CUL5: variants seen among roughly 807,000 people sequenced by gnomAD.
The protein encoded by CUL5 is cullin 5.
Under a neutral mutation model 108.8 loss-of-function variants are expected in CUL5, and 26 were observed. That is an observed-to-expected ratio of 0.24 (90% CI 0.18 to 0.33). CUL5 has a LOEUF of 0.33. CUL5 is among the 10% of genes least tolerant of loss of function. The probability of loss-of-function intolerance (pLI) is 1.00; values close to 1 mark genes in which losing one functional copy is unlikely to be tolerated. For missense variants in CUL5, 524 were observed against 909.2 expected (o/e 0.58, Z 5.45); for synonymous variants, 334 against 298.0 (o/e 1.12, Z -1.25).
chr11:108,081,440 G>A (rs1294385006), intron 11 of CUL5, among the ~76,000 whole-genome samples: 1 of 151,544 alleles, frequency 6.6e-6, no homozygotes, highest in East Asian at 2.0e-4. Context: ...TCATTGAACA[G>A]TCTTTTCTCC....
intron 8 of CUL5, among the ~76,000 whole-genome samples, chr11:108,070,422 G>C (rs772269107): frequency 6.6e-6 from 1 of 152,074 alleles, no homozygotes; most frequent in African/African-American, 2.4e-5. Flanking sequence ...CTGTGTATGT[G>C]TATGGTGAAT....
intron 3 of CUL5, among the ~76,000 whole-genome samples, chr11:108,048,305 G>T (rs1041024193): frequency 2.0e-5 from 3 of 151,776 alleles, no homozygotes; most frequent in Non-Finnish European, 4.4e-5. Flanking sequence ...GTTTAACCTA[G>T]ATTAACACAA....
At chr11:108,100,921 C>T (rs1456048848) in intron 18 of CUL5, among the ~76,000 whole-genome samples, 2 of 151,702 alleles carry the variant, frequency 1.3e-5, no homozygotes, top group Non-Finnish European at 2.9e-5. Context: ...CCCAGCTACC[C>T]AGGAGGCTGA....
intron 12 of CUL5, among the ~76,000 whole-genome samples, chr11:108,088,954 A>T (rs963226874): frequency 7.2e-5 from 11 of 152,184 alleles, no homozygotes; most frequent in Non-Finnish European, 1.6e-4. Flanking sequence ...TTGGAATGAT[A>T]GTTGACAGAT....
chr11:108,050,430 G>T lies in CUL5; in HGVS notation c.411+364G>T, dbSNP rs182427823. On this transcript the variant is annotated intron_variant, in intron 4 of 18. Coordinates refer to ENST00000393094, the MANE Select transcript of CUL5 (RefSeq NM_003478.6). ...CGCCTAGGCTGGAGTGTGCAGTGGC[G>T]CAGTCTGCTCACTGCAACCTCCGCC... is the stretch of plus-strand genomic sequence containing the variant. Among the ~76,000 whole-genome samples the T allele has an allele frequency of 3.6e-4, 55 of 151,004 alleles. 1 individual carries two copies. The highest frequency in any genetic ancestry group is 8.3e-4 in the African/African-American group (34 of 41,090).
rs397746807 is a variant in CUL5 at position 108,016,806 on chromosome 11, A to AG, written c.24+7434_24+7435insG. On this transcript the variant is annotated intron_variant, in intron 1 of 18. Coordinates refer to ENST00000393094, the MANE Select transcript of CUL5 (RefSeq NM_003478.6). ...TTTGTACAAAAACAAACAAAAAAAA[A>AG]CAAACAAAAAGCAGGATACAGCTCA... Among the ~76,000 whole-genome samples, 128 of 152,198 alleles carry AG rather than the reference A, an allele frequency of 8.4e-4. 1 individual carries two copies. Among genetic ancestry groups the AG allele is most frequent in the Non-Finnish European group, 4.3e-4 (29 of 67,996 alleles).
intron 13 of CUL5, among the ~76,000 whole-genome samples, chr11:108,092,733 G>A (rs1864389777): frequency 6.6e-6 from 1 of 152,122 alleles, no homozygotes; most frequent in Admixed American, 6.5e-5. Context: ...TGATGAAAAT[G>A]TTCTAAAATT....
At chr11:108,093,578 T>A (rs1029874705) in intron 13 of CUL5, among the ~76,000 whole-genome samples, 1 of 152,246 alleles carries the variant, frequency 6.6e-6, no homozygotes, top group African/African-American at 2.4e-5. Flanking sequence ...GTTTGATTAT[T>A]CTTTTTTGTA....
Position 108,093,543 on chromosome 11 carries a change from CTT to C in CUL5, c.1444-845_1444-844del, listed in dbSNP as rs1435316465. ...ATTATCACTTTTCATTTCCTGTTTA[CTT>C]TTATATCTTTGCCAATTATCTTGTT... On this transcript the variant is annotated intron_variant, in intron 13 of 18. Coordinates refer to ENST00000393094, the MANE Select transcript of CUL5 (RefSeq NM_003478.6). Among the ~76,000 whole-genome samples, 4 of 152,102 alleles carry C rather than the reference CTT, an allele frequency of 2.6e-5. No homozygotes were observed. The East Asian group carries it at 5.8e-4, about 22-fold the overall frequency.
At chr11:108,064,738 T>C (rs1006956778) in intron 7 of CUL5, among the ~76,000 whole-genome samples, 5 of 151,880 alleles carry the variant, frequency 3.3e-5, no homozygotes, top group African/African-American at 1.2e-4. Context: ...AAAACAAAAA[T>C]TTGGTTTGCT....
At chr11:108,097,597 G>T in intron 16 of CUL5, 39 bp from the exon 17 acceptor site, 1 of 1,174,614 alleles carries the variant, frequency 8.5e-7, no homozygotes. Flanking sequence ...ATTCCATACT[G>T]TTTATAGATG....
chr11:108,062,517 AAATATT>A (rs2135159059), intron 7 of CUL5, among the ~76,000 whole-genome samples: 1 of 148,692 alleles, frequency 6.7e-6, no homozygotes, highest in South Asian at 2.1e-4. Context: ...TAATAATTGT[AAATATT>A]AAATATAATT....
At chr11:108,025,807 C>T (rs1214421190) in intron 1 of CUL5, among the ~76,000 whole-genome samples, 2 of 152,190 alleles carry the variant, frequency 1.3e-5, no homozygotes, top group Admixed American at 6.5e-5. Flanking sequence ...GTCACCTCAG[C>T]CTTTTCAAAC....
At chr11:108,053,154 T>C (rs1057312896) in intron 5 of CUL5, among the ~76,000 whole-genome samples, 38 of 152,342 alleles carry the variant, frequency 2.5e-4, no homozygotes, top group African/African-American at 8.7e-4. Context: ...AAGGAGAGCA[T>C]GTAGGAGTAC....
chr11:108,035,298 C>A (rs118096972), intron 2 of CUL5, among the ~76,000 whole-genome samples: 2,559 of 152,254 alleles, frequency 0.017, 49 homozygotes, highest in Non-Finnish European at 0.021. Context: ...ATACATAAGA[C>A]CAATCAGCAG....
intron 11 of CUL5, among the ~76,000 whole-genome samples, chr11:108,082,699 CA>C (rs1205871901): frequency 1.3e-5 from 2 of 152,010 alleles, no homozygotes; most frequent in Non-Finnish European, 2.9e-5. Flanking sequence ...GGCTGGAATG[CA>C]ATGGCATGAT....
chr11:108,058,537 T>C (rs563954879), intron 7 of CUL5, among the ~76,000 whole-genome samples: 54 of 151,350 alleles, frequency 3.6e-4, no homozygotes, highest in Non-Finnish European at 4.9e-4. Context: ...CGTGAGCCAC[T>C]GCACCCGGCC....
Position 108,072,380 on chromosome 11 carries a change from A to C in CUL5, c.923A>C (p.Glu308Ala), listed in dbSNP as rs924798571. ...SLMDKVPNGI[E>A]PMLKDLEEHI... ...ATGGACAAAGTTCCTAATGGTATAG[A>C]GCCAATGTTGAAAGACTTGGAGGAA... Residue 308 changes from glutamate (E) to alanine (A), a missense_variant, in exon 9 of 19, where the codon GAG becomes GCG. By Grantham distance (107) the Glu-to-Ala change is moderately radical. Around this residue, in one of 8 missense-constraint regions of CUL5, gnomAD observed 170 missense variants for 305.1 expected, o/e 0.56. Transcript: ENST00000393094. The C allele has an allele frequency of 3.1e-6, 5 of 1,612,432 alleles. No homozygotes were observed. Among genetic ancestry groups the C allele is most frequent in the Non-Finnish European group, 4.2e-6 (5 of 1,178,668 alleles).
rs773021944 is a variant in CUL5 at position 108,089,644 on chromosome 11, A to G, written c.1443+21A>G. 15 of 1,420,960 alleles carry G rather than the reference A, an allele frequency of 1.1e-5. No individual in the cohort carries two copies. In the South Asian group the frequency reaches 1.9e-4, roughly 18 times the overall value. 88.0% of individuals were successfully genotyped at this position (1,420,960 alleles called of 1,614,324 possible). A position where few individuals can be genotyped will look rare whatever the true frequency, so the allele number is the denominator to read the frequency against. ...TAAGAGTAAGTAAATTTTTTTAAAT[A>G]TTTGGTTTTCTAATACATTACATCA... is the stretch of plus-strand genomic sequence containing the variant. On this transcript the variant is annotated intron_variant, in intron 13 of 18. Coordinates refer to ENST00000393094, the MANE Select transcript of CUL5 (RefSeq NM_003478.6).
Sources: allele counts gnomAD v4.1 joint callset (sites outside exome capture counted in the v4.1 genomes callset), GRCh38; gene constraint gnomAD v4.1.1; regional missense constraint gnomAD v4.1.1; transcripts MANE v1.5; gene names NCBI Gene and HGNC (gene_info 2026-07-23, HGNC 2026-07-21).